DYNC2I2: variants seen among roughly 807,000 people sequenced by gnomAD.
The protein encoded by DYNC2I2 is dynein 2 intermediate chain 2.
DYNC2I2 carries 39 observed loss-of-function variants against 52.0 expected under a neutral mutation model. That is an observed-to-expected ratio of 0.75 (90% CI 0.58 to 0.98). The LOEUF (loss-of-function observed/expected upper bound fraction) is 0.98, where lower values mean the gene tolerates loss of function less well. Among genes scored for constraint, DYNC2I2 ranks in the 50% least tolerant of loss-of-function variants. DYNC2I2 has a pLI of 0.00. For missense variants in DYNC2I2, 743 were observed against 728.4 expected (o/e 1.02, Z -0.23); for synonymous variants, 359 against 321.1 (o/e 1.12, Z -1.26).
intron 1 of DYNC2I2, among the ~76,000 whole-genome samples, chr9:128,641,806 A>C (rs1860518740): frequency 6.6e-6 from 1 of 152,012 alleles, no homozygotes; most frequent in African/African-American, 2.4e-5. Context: ...TTCTGAACAC[A>C]CAGGCCTCAG....
chr9:128,661,763 C>T (rs552712967), upstream of DYNC2I2, among the ~76,000 whole-genome samples: 6 of 151,704 alleles, frequency 4.0e-5, no homozygotes, highest in South Asian at 2.1e-4. Flanking sequence ...AAAAGCCGGC[C>T]GGGCTTGGTG....
chr9:128,659,323 A>G (rs1369949624), upstream of DYNC2I2, among the ~76,000 whole-genome samples: 5 of 150,688 alleles, frequency 3.3e-5, no homozygotes, highest in East Asian at 2.0e-4. Context: ...ATGAAACCCC[A>G]TCTCTACTAA....
chr9:128,681,244 C>A, the DYNC2I2 span, among the ~76,000 whole-genome samples: 6 of 152,086 alleles, frequency 3.9e-5, no homozygotes, highest in Non-Finnish European at 8.8e-5. Flanking sequence ...GTGCGTGCCA[C>A]CACTCCAGGT....
chr9:128,677,491 A>C, the DYNC2I2 span, among the ~76,000 whole-genome samples: 1 of 151,948 alleles, frequency 6.6e-6, no homozygotes, highest in East Asian at 1.9e-4. Context: ...TCTCAAAAGC[A>C]AAAACAAGAA....
In DYNC2I2 at chr9:128,636,086, C is replaced by T. The variant is rs550711173; in HGVS notation, c.703+195G>A. ...CCCTGTCCTGGCCCCGACCCTGGCC[C>T]CCTTCCAGACTCCTCCCCCGAGTTC... On this transcript the variant is annotated intron_variant, in intron 4 of 8. Coordinates refer to ENST00000372715, the MANE Select transcript of DYNC2I2 (RefSeq NM_052844.4). The T allele has an allele frequency of 1.3e-5, 12 of 915,982 alleles. No individual in the cohort carries two copies. In the East Asian group the frequency reaches 2.9e-4, roughly 22 times the overall value. 56.7% of individuals were successfully genotyped at this position (915,982 alleles called of 1,614,324 possible). A position where few individuals can be genotyped will look rare whatever the true frequency, so the allele number is the denominator to read the frequency against.
At chr9:128,683,873 G>T in the DYNC2I2 span, 23 of 1,539,474 alleles carry the variant, frequency 1.5e-5, no homozygotes, top group Non-Finnish European at 2.0e-5. Context: ...CTCGTGGTCT[G>T]GTTCTGGGAC....
In DYNC2I2 at chr9:128,636,395, C is replaced by A; in HGVS notation, c.589G>T (p.Ala197Ser). Residue 197 changes from alanine (A) to serine (S), a missense_variant, in exon 4 of 9, where the codon GCC (alanine) becomes TCC (serine). Coordinates refer to ENST00000372715, the MANE Select transcript of DYNC2I2 (RefSeq NM_052844.4). ...DWSTLKSFVC[A>S]WNLDRRDLRP... ...AGGTCTCGCCGGTCCAGGTTCCAGG[C>A]ACACACGAAGGACTTAAGCGTGCTC... The A allele has an allele frequency of 6.2e-7, 1 of 1,610,718 alleles. No individual in the cohort carries two copies. Among genetic ancestry groups the A allele is most frequent in the East Asian group, 2.2e-5 (1 of 44,800 alleles).
chr9:128,641,100 TCTC>T (rs377475897), intron 1 of DYNC2I2, among the ~76,000 whole-genome samples, 161 bp from the exon 2 acceptor site: 212 of 151,978 alleles, frequency 1.4e-3, no homozygotes, highest in African/African-American at 4.8e-3. Flanking sequence ...GCCCCTTGAT[TCTC>T]CTATGTCCCA....
chr9:128,665,056 CTTT>C, the DYNC2I2 span, among the ~76,000 whole-genome samples: 3 of 138,778 alleles, frequency 2.2e-5, no homozygotes, highest in African/African-American at 2.6e-5. Flanking sequence ...TTTTCTTTTT[CTTT>C]TTTTTTTTTT....
the DYNC2I2 span, among the ~76,000 whole-genome samples, chr9:128,661,871 G>A: frequency 2.0e-5 from 3 of 151,688 alleles, no homozygotes; most frequent in African/African-American, 4.8e-5. Context: ...GTGAAACCCC[G>A]TCTCTACTAA....
At chr9:128,674,883 T>C in the DYNC2I2 span, among the ~76,000 whole-genome samples, 9 of 152,052 alleles carry the variant, frequency 5.9e-5, no homozygotes, top group Admixed American at 5.9e-4. Flanking sequence ...CAGCCAATGA[T>C]AACTTTTTAA....
upstream of DYNC2I2, among the ~76,000 whole-genome samples, chr9:128,660,783 G>A (rs1860908635): frequency 6.6e-6 from 1 of 151,920 alleles, no homozygotes; most frequent in Non-Finnish European, 1.5e-5. Context: ...AGGCTCAAGT[G>A]TAGTGGCACA....
At chr9:128,636,835 C>T in intron 3 of DYNC2I2, 83 bp downstream of exon 3, 1 of 1,099,444 alleles carries the variant, frequency 9.1e-7, no homozygotes, top group Non-Finnish European at 1.3e-6. Flanking sequence ...AGAACCAGCC[C>T]TTCCCTGTGC....
chr9:128,636,116 C>T (rs546799124), intron 4 of DYNC2I2, 165 bp downstream of exon 4: 27 of 1,098,260 alleles, frequency 2.5e-5, no homozygotes, highest in Non-Finnish European at 1.4e-6. Flanking sequence ...GAGTTCCACC[C>T]CTCAGGGCTC....
At position 128,635,670 on chromosome 9, in the gene DYNC2I2, G is replaced by T. The variant is rs376215403; in HGVS notation, c.801C>A (p.Asp267Glu). 2.7e-5 allele frequency: 43 copies of T among 1,607,614 alleles called. No individual in the cohort carries two copies. The highest frequency in any genetic ancestry group is 3.6e-5 in the Non-Finnish European group (42 of 1,177,044). Residue 267 changes from aspartate to glutamate, a missense_variant, in exon 5 of 9, where the codon GAC becomes GAA. Coordinates refer to ENST00000372715, the MANE Select transcript of DYNC2I2 (RefSeq NM_052844.4). Reference sequence around the variant, plus strand: ...CCCCTGCCCTGACCTGGGACACAGGGTCTGTGTGGGTGTCATCCGTCAGGC... The same window carrying T: ...CCCCTGCCCTGACCTGGGACACAGGTTCTGTGTGGGTGTCATCCGTCAGGC... ...RTGLTDDTHT[D>E]PVSQVVWLPE...
chr9:128,641,754 CA>C (rs992798543), intron 1 of DYNC2I2, among the ~76,000 whole-genome samples: 1 of 152,076 alleles, frequency 6.6e-6, no homozygotes, highest in Non-Finnish European at 1.5e-5. Flanking sequence ...GGCCAGGAGG[CA>C]AGCCCGGAGG....
chr9:128,634,201 T>TC, intron 8 of DYNC2I2, 25 bp downstream of exon 8: 1 of 1,612,550 alleles, frequency 6.2e-7, no homozygotes, highest in South Asian at 1.1e-5. Context: ...CTTAAACAGA[T>TC]CCAGGCCTAG....
intron 1 of DYNC2I2, among the ~76,000 whole-genome samples, chr9:128,642,478 T>C (rs1267696646): frequency 3.7e-5 from 4 of 107,298 alleles, no homozygotes; most frequent in African/African-American, 1.0e-4. Context: ...AAAAAAAAAA[T>C]TACTTATTGA....
chr9:128,660,436 T>A (rs1860905183), upstream of DYNC2I2, among the ~76,000 whole-genome samples: 1 of 147,330 alleles, frequency 6.8e-6, no homozygotes, highest in Admixed American at 6.9e-5. Flanking sequence ...TTTTAAACAG[T>A]CTTGTTCTGT....
Sources: gnomAD v4.1 joint callset for allele counts (sites outside exome capture counted in the v4.1 genomes callset) on GRCh38, gnomAD v4.1.1 for gene constraint, MANE v1.5 for transcripts, NCBI Gene and HGNC (gene_info 2026-07-23, HGNC 2026-07-21) for gene names.